Variants in DLG2 observed in about 807,000 individuals in gnomAD.
DLG2 encodes the protein discs large MAGUK scaffold protein 2, also known as disks large homolog 2.
In DLG2, 45 loss-of-function variants were observed where a neutral mutation model predicts 132.5. That is an observed-to-expected ratio of 0.34 (90% CI 0.27 to 0.44). The LOEUF is 0.44. Among genes scored for constraint, DLG2 ranks in the 20% least tolerant of loss-of-function variants. The pLI, the probability that DLG2 is intolerant of heterozygous loss-of-function variation, is 1.00. For missense variants in DLG2, 1,045 were observed against 1,196.9 expected, an observed-to-expected ratio of 0.87 and a Z score of 1.87; for synonymous variants, 424 against 419.6, an observed-to-expected ratio of 1.01 and a Z score of -0.13.
At chr11:85,014,579 T>C (rs954065085) in intron 6 of DLG2, among the ~76,000 whole-genome samples, 2 of 152,182 alleles carry the variant, frequency 1.3e-5, no homozygotes, top group African/African-American at 4.8e-5. Context: ...GCTCTGCCCA[T>C]GGTAAGGTAG....
intron 3 of DLG2, among the ~76,000 whole-genome samples, chr11:85,537,182 A>G (rs2075646508): frequency 6.6e-6 from 1 of 152,182 alleles, no homozygotes; most frequent in East Asian, 1.9e-4. Flanking sequence ...CACTCTGTCA[A>G]TATGGACCAA....
At chr11:84,790,391 A>C (rs2073646459) in intron 6 of DLG2, among the ~76,000 whole-genome samples, 1 of 152,198 alleles carries the variant, frequency 6.6e-6, no homozygotes, top group African/African-American at 2.4e-5. Flanking sequence ...TTTTCTTTTA[A>C]GAAATGTCTA....
chr11:84,116,682 A>G (rs2093649914), intron 9 of DLG2, among the ~76,000 whole-genome samples: 1 of 152,188 alleles, frequency 6.6e-6, no homozygotes, highest in African/African-American at 2.4e-5. Flanking sequence ...TTGGGTGTGG[A>G]CACAGCCAAA....
At chr11:83,924,574 C>T (rs2078592408) in intron 15 of DLG2, among the ~76,000 whole-genome samples, 1 of 152,124 alleles carries the variant, frequency 6.6e-6, no homozygotes, top group South Asian at 2.1e-4. Context: ...CCCATACTGC[C>T]AACCCTACCA....
intron 14 of DLG2, among the ~76,000 whole-genome samples, chr11:83,957,844 A>C (rs2087309892): frequency 6.6e-6 from 1 of 151,994 alleles, no homozygotes. Flanking sequence ...CTGATCTTTA[A>C]TCATCACCAC....
Position 83,484,148 on chromosome 11 carries a change from C to T in DLG2, c.2274G>A (p.Gln758=). ...PFYKNKEQSE[Q]ETSDPERGQE... Reference sequence around the variant, plus strand: ...ACTTACGTTCAGGATCACTGGTTTCCTGCTCACTCTGCTCCTTGTTCTTGT... The same window carrying T: ...ACTTACGTTCAGGATCACTGGTTTCTTGCTCACTCTGCTCCTTGTTCTTGT... Residue 758 remains glutamine (Q), a synonymous_variant, in exon 22 of 28, where the codon CAG becomes CAA. Coordinates refer to ENST00000376104, the MANE Select transcript of DLG2 (RefSeq NM_001142699.3). The T allele has an allele frequency of 6.2e-7, 1 of 1,613,164 alleles. No individual in the cohort carries two copies. Among genetic ancestry groups the T allele is most frequent in the Non-Finnish European group, 8.5e-7 (1 of 1,179,378 alleles).
chr11:85,512,318 G>A (rs892368505), intron 3 of DLG2, among the ~76,000 whole-genome samples: 2 of 152,038 alleles, frequency 1.3e-5, no homozygotes, highest in Admixed American at 1.3e-4. Flanking sequence ...AGAACACAAT[G>A]GATAAGTACT....
chr11:83,941,009 G>C (rs1200675747), intron 14 of DLG2, among the ~76,000 whole-genome samples: 2 of 152,202 alleles, frequency 1.3e-5, no homozygotes, highest in Non-Finnish European at 1.5e-5. Flanking sequence ...TCATTCATGA[G>C]AGACGATTCC....
intron 7 of DLG2, among the ~76,000 whole-genome samples, chr11:84,306,725 A>C (rs1368478134): frequency 6.6e-6 from 1 of 152,176 alleles, no homozygotes; most frequent in Non-Finnish European, 1.5e-5. Context: ...AGCATCCCTG[A>C]CCCTCTTCCC....
At chr11:85,331,798 T>C (rs775122851) in intron 3 of DLG2, among the ~76,000 whole-genome samples, 6 of 151,908 alleles carry the variant, frequency 3.9e-5, no homozygotes, top group Non-Finnish European at 8.8e-5. Flanking sequence ...TTGACACAAT[T>C]TTGTTCTTTT....
At chr11:85,066,202 A>C (rs2064898018) in intron 6 of DLG2, among the ~76,000 whole-genome samples, 1 of 151,766 alleles carries the variant, frequency 6.6e-6, no homozygotes, top group Non-Finnish European at 1.5e-5. Flanking sequence ...AAGCCAGAAA[A>C]GATGAACAAA....
intron 15 of DLG2, among the ~76,000 whole-genome samples, chr11:83,918,545 G>T (rs1464421396): frequency 1.3e-5 from 2 of 152,170 alleles, no homozygotes; most frequent in East Asian, 1.9e-4. Context: ...GTCCATGTTT[G>T]TCTTTTTTGT....
chr11:84,867,401 T>C (rs2084746395), intron 6 of DLG2, among the ~76,000 whole-genome samples: 1 of 152,212 alleles, frequency 6.6e-6, no homozygotes, highest in Non-Finnish European at 1.5e-5. Context: ...GTTCCCACTT[T>C]GGAATTTCCA....
chr11:83,827,429 C>T (rs1030662463), intron 17 of DLG2, among the ~76,000 whole-genome samples: 1 of 152,134 alleles, frequency 6.6e-6, no homozygotes, highest in South Asian at 2.1e-4. Flanking sequence ...TCAGCTGTGA[C>T]TCATTTTTAC....
chr11:84,726,164 G>A (rs1434809389), intron 6 of DLG2, among the ~76,000 whole-genome samples: 1 of 152,060 alleles, frequency 6.6e-6, no homozygotes, highest in African/African-American at 2.4e-5. Flanking sequence ...TGTGCAGAAT[G>A]TGCAGTTTTG....
At chr11:84,768,331 T>A (rs2068735388) in intron 6 of DLG2, among the ~76,000 whole-genome samples, 1 of 152,194 alleles carries the variant, frequency 6.6e-6, no homozygotes, top group Non-Finnish European at 1.5e-5. Context: ...CAGCCAACCC[T>A]ATTATGAAGC....
At chr11:84,028,596 C>G (rs1171658020) in intron 11 of DLG2, among the ~76,000 whole-genome samples, 1 of 152,088 alleles carries the variant, frequency 6.6e-6, no homozygotes, top group Non-Finnish European at 1.5e-5. Flanking sequence ...AGACCAATTA[C>G]AGATGAATTC....
intron 6 of DLG2, among the ~76,000 whole-genome samples, chr11:84,991,523 A>AAAG (rs55954274): frequency 0.44 from 48,841 of 112,252 alleles, 9,946 homozygotes; most frequent in African/African-American, 0.54. Context: ...AAAAAAAAAA[A>AAAG]AAAGAAAGAA....
intron 7 of DLG2, among the ~76,000 whole-genome samples, chr11:84,349,824 A>T (rs1211239703): frequency 7.1e-6 from 1 of 140,302 alleles, no homozygotes; most frequent in Non-Finnish European, 1.5e-5. Context: ...ACACAGTGAG[A>T]CTCTGCCTCT....
Sources: allele counts gnomAD v4.1 joint callset (sites outside exome capture counted in the v4.1 genomes callset), GRCh38; gene constraint gnomAD v4.1.1; transcripts MANE v1.5; gene names NCBI Gene and HGNC (gene_info 2026-07-23, HGNC 2026-07-21).